The following TMEM132D variants were observed in gnomAD, a reference collection of about 807,000 sequenced individuals.
TMEM132D encodes transmembrane protein 132D.
TMEM132D carries 21 observed loss-of-function variants against 62.3 expected under a neutral mutation model. The ratio of observed to expected loss-of-function variants is 0.34; its 90% CI spans 0.24 to 0.49. The LOEUF is 0.49. Among genes scored for constraint, TMEM132D ranks in the 20% least tolerant of loss-of-function variants. The probability of loss-of-function intolerance (pLI) is 0.99; values close to 1 mark genes in which losing one functional copy is unlikely to be tolerated. For synonymous variants in TMEM132D, 621 were observed against 575.6 expected (o/e 1.08, Z -1.13); for missense variants, 1,346 against 1,402.8 (o/e 0.96, Z 0.65).
intron 4 of TMEM132D, among the ~76,000 whole-genome samples, chr12:129,297,226 G>A (rs1237590211): frequency 2.6e-5 from 4 of 152,170 alleles, no homozygotes; most frequent in African/African-American, 9.7e-5. Flanking sequence ...AACCAGGTGG[G>A]GCAGACAGAA....
At chr12:129,872,582 A>G (rs186214889) in intron 1 of TMEM132D, among the ~76,000 whole-genome samples, 2 of 152,366 alleles carry the variant, frequency 1.3e-5, no homozygotes, top group Admixed American at 6.5e-5. Flanking sequence ...GAAAACAAAC[A>G]CGAAGGATGC....
chr12:129,229,009 A>C (rs1274063310), intron 4 of TMEM132D, among the ~76,000 whole-genome samples: 1 of 152,210 alleles, frequency 6.6e-6, no homozygotes, highest in East Asian at 1.9e-4. Context: ...TCCAGAGCTG[A>C]CGTCTCCATT....
At chr12:129,826,439 T>A (rs1872666267) in intron 1 of TMEM132D, among the ~76,000 whole-genome samples, 1 of 152,192 alleles carries the variant, frequency 6.6e-6, no homozygotes, top group Non-Finnish European at 1.5e-5. Context: ...CAAGTTCCCT[T>A]GAGTCAGCCT....
chr12:129,188,761 G>GAC (rs1878293591), intron 5 of TMEM132D, among the ~76,000 whole-genome samples: 2 of 63,950 alleles, frequency 3.1e-5, no homozygotes, highest in African/African-American at 8.6e-5. Context: ...GAGGGAGAGA[G>GAC]GGAGAGAGAG....
chr12:129,671,206 T>G (rs1217042787), intron 2 of TMEM132D, among the ~76,000 whole-genome samples: 1 of 152,196 alleles, frequency 6.6e-6, no homozygotes, highest in Non-Finnish European at 1.5e-5. Flanking sequence ...AAGTAACTTG[T>G]AAAACACTTT....
At chr12:129,338,592 T>C (rs1485097829) in intron 3 of TMEM132D, among the ~76,000 whole-genome samples, 2 of 152,194 alleles carry the variant, frequency 1.3e-5, no homozygotes, top group Admixed American at 1.3e-4. Context: ...ATTTGGTGCC[T>C]GCCTCTGCCT....
intron 4 of TMEM132D, among the ~76,000 whole-genome samples, chr12:129,335,446 C>A (rs987936572): frequency 3.9e-5 from 6 of 152,060 alleles, no homozygotes; most frequent in Admixed American, 1.3e-4. Context: ...TCTAAGTACA[C>A]TTTAATTACT....
At chr12:129,629,915 A>C (rs1879311913) in intron 2 of TMEM132D, among the ~76,000 whole-genome samples, 1 of 152,202 alleles carries the variant, frequency 6.6e-6, no homozygotes, top group South Asian at 2.1e-4. Context: ...GTAAAATTAT[A>C]ATCTATTACT....
intron 1 of TMEM132D, among the ~76,000 whole-genome samples, chr12:129,738,904 T>C (rs1376184777): frequency 6.6e-6 from 1 of 152,162 alleles, no homozygotes; most frequent in Non-Finnish European, 1.5e-5. Flanking sequence ...AGAAGTATAA[T>C]GATCCAGAAG....
At chr12:129,734,220 C>G (rs537440300) in intron 1 of TMEM132D, among the ~76,000 whole-genome samples, 1 of 152,126 alleles carries the variant, frequency 6.6e-6, no homozygotes, top group Non-Finnish European at 1.5e-5. Flanking sequence ...TGGTATTTGA[C>G]CTAAGGAAAG....
At chr12:129,310,769 A>G (rs1881952588) in intron 4 of TMEM132D, among the ~76,000 whole-genome samples, 1 of 152,190 alleles carries the variant, frequency 6.6e-6, no homozygotes, top group Non-Finnish European at 1.5e-5. Flanking sequence ...TTAGGAAGGA[A>G]TTGGACCCCA....
chr12:129,140,280 T>C (rs1876701539), intron 5 of TMEM132D, among the ~76,000 whole-genome samples: 1 of 151,794 alleles, frequency 6.6e-6, no homozygotes, highest in Admixed American at 6.6e-5. Context: ...TTAATTTGCT[T>C]GATTGTAGTA....
At chr12:129,822,951 A>G (rs143135552) in intron 1 of TMEM132D, among the ~76,000 whole-genome samples, 5 of 152,230 alleles carry the variant, frequency 3.3e-5, no homozygotes, top group South Asian at 2.1e-4. Flanking sequence ...GTCACCCCCA[A>G]TGTTGGGGAT....
chr12:129,744,911 G>A (rs1017958981), intron 1 of TMEM132D, among the ~76,000 whole-genome samples: 2 of 152,174 alleles, frequency 1.3e-5, no homozygotes, highest in Non-Finnish European at 2.9e-5. Context: ...ATCCCCACAT[G>A]TCAAGGGAGA....
At chr12:129,479,465 A>G (rs189482546) in intron 3 of TMEM132D, among the ~76,000 whole-genome samples, 3 of 152,294 alleles carry the variant, frequency 2.0e-5, no homozygotes, top group Admixed American at 1.3e-4. Flanking sequence ...GCTCTCTGGC[A>G]TACGTCCTGA....
intron 3 of TMEM132D, among the ~76,000 whole-genome samples, chr12:129,517,863 G>T (rs536275053): frequency 6.6e-6 from 1 of 152,170 alleles, no homozygotes; most frequent in East Asian, 1.9e-4. Flanking sequence ...TATTTATGCT[G>T]TAAAAGAAAA....
chr12:129,876,475 C>T (rs1256946277), intron 1 of TMEM132D, among the ~76,000 whole-genome samples: 2 of 152,214 alleles, frequency 1.3e-5, no homozygotes, highest in South Asian at 2.1e-4. Context: ...GGCTATTACA[C>T]TACCTCTTTC....
intron 3 of TMEM132D, among the ~76,000 whole-genome samples, chr12:129,484,826 G>T (rs1458472684): frequency 6.6e-6 from 1 of 152,178 alleles, no homozygotes; most frequent in Non-Finnish European, 1.5e-5. Context: ...AAGAACAAAA[G>T]ATAAGAATTC....
chr12:129,339,158 C>A (rs746105522), intron 3 of TMEM132D, among the ~76,000 whole-genome samples: 1 of 151,850 alleles, frequency 6.6e-6, no homozygotes, highest in East Asian at 1.9e-4. Flanking sequence ...ATAATCCCAG[C>A]TAGTTGGGAG....
Sources: allele counts gnomAD v4.1 joint callset (sites outside exome capture counted in the v4.1 genomes callset), GRCh38; gene constraint gnomAD v4.1.1; transcripts MANE v1.5; gene names NCBI Gene and HGNC (gene_info 2026-07-23, HGNC 2026-07-21).